Variants in SLC10A7 observed in about 807,000 individuals in gnomAD.
SLC10A7 encodes solute carrier family 10 member 7.
SLC10A7 carries 29 observed loss-of-function variants against 43.2 expected under a neutral mutation model. The ratio of observed to expected loss-of-function variants is 0.67; its 90% CI spans 0.50 to 0.92. SLC10A7 has a LOEUF of 0.92. Ranked by LOEUF, SLC10A7 falls within the 40% of genes least tolerant of loss-of-function variation. The probability of loss-of-function intolerance (pLI) is 0.00; values close to 1 mark genes in which losing one functional copy is unlikely to be tolerated. For missense variants in SLC10A7, 295 were observed against 403.2 expected (o/e 0.73, Z 2.30); for synonymous variants, 152 against 144.8 (o/e 1.05, Z -0.35).
At chr4:146,472,600 T>C (rs1428178444) in intron 4 of SLC10A7, among the ~76,000 whole-genome samples, 1 of 152,106 alleles carries the variant, frequency 6.6e-6, no homozygotes, top group Non-Finnish European at 1.5e-5. Context: ...TGTGTTCCCA[T>C]AGGCCCTTAG....
chr4:146,432,430 AACT>A (rs1275257839), intron 5 of SLC10A7, among the ~76,000 whole-genome samples: 2 of 152,226 alleles, frequency 1.3e-5, no homozygotes, highest in African/African-American at 4.8e-5. Context: ...AAAAGAAATT[AACT>A]ACTGATATAT....
chr4:146,444,497 AACTCATAAAT>A (rs1407260083), intron 4 of SLC10A7, among the ~76,000 whole-genome samples: 1 of 152,144 alleles, frequency 6.6e-6, no homozygotes, highest in African/African-American at 2.4e-5. Flanking sequence ...ACTCATAAAC[AACTCATAAAT>A]ACTCATAAAT....
At chr4:146,272,281 C>T (rs1472046248) in intron 10 of SLC10A7, among the ~76,000 whole-genome samples, 1 of 152,284 alleles carries the variant, frequency 6.6e-6, no homozygotes, top group African/African-American at 2.4e-5. Flanking sequence ...AGCTTCGGTA[C>T]AGATGACATT....
intron 5 of SLC10A7, among the ~76,000 whole-genome samples, chr4:146,369,366 A>G (rs551064990): frequency 6.6e-6 from 1 of 152,358 alleles, no homozygotes; most frequent in Admixed American, 6.5e-5. Context: ...GGCATTTAGT[A>G]AACACTCAGG....
chr4:146,321,503 A>G (rs1461794921), intron 6 of SLC10A7, among the ~76,000 whole-genome samples: 1 of 152,202 alleles, frequency 6.6e-6, no homozygotes, highest in African/African-American at 2.4e-5. Flanking sequence ...ACATTCTGAT[A>G]TACTTGGAGT....
intron 5 of SLC10A7, among the ~76,000 whole-genome samples, chr4:146,433,019 C>CA (rs1359012637): frequency 1.3e-5 from 2 of 148,634 alleles, no homozygotes; most frequent in East Asian, 2.0e-4. Flanking sequence ...GCGTGGGTGA[C>CA]AGAGCAAGAC....
At chr4:146,294,160 A>G (rs985379144) in intron 7 of SLC10A7, 65 bp from the exon 8 acceptor site, 10 of 1,281,788 alleles carry the variant, frequency 7.8e-6, no homozygotes, top group African/African-American at 4.4e-5. Context: ...TGGGCATCAC[A>G]AAGTGATTCT....
intron 5 of SLC10A7, among the ~76,000 whole-genome samples, chr4:146,411,883 CA>C (rs1293601550): frequency 2.0e-4 from 31 of 152,206 alleles, no homozygotes; most frequent in African/African-American, 7.5e-4. Flanking sequence ...TTGTCAAGTG[CA>C]GATGAAAGGA....
chr4:146,412,029 T>C (rs1728230607), intron 5 of SLC10A7, among the ~76,000 whole-genome samples: 1 of 152,204 alleles, frequency 6.6e-6, no homozygotes, highest in African/African-American at 2.4e-5. Context: ...AGTGGCATTT[T>C]CACTTCGAAT....
At chr4:146,395,061 A>G (rs1406886037) in intron 5 of SLC10A7, among the ~76,000 whole-genome samples, 1 of 152,000 alleles carries the variant, frequency 6.6e-6, no homozygotes, top group Non-Finnish European at 1.5e-5. Context: ...CTGCTATTAC[A>G]TGCTTCTCTA....
At chr4:146,286,620 G>C (rs556910926) in intron 9 of SLC10A7, among the ~76,000 whole-genome samples, 126 of 149,474 alleles carry the variant, frequency 8.4e-4, no homozygotes, top group African/African-American at 3.1e-3. Context: ...GGAGTGGTGA[G>C]AAGGACCGTG....
chr4:146,398,217 G>A (rs1044066091), intron 5 of SLC10A7, among the ~76,000 whole-genome samples: 2 of 152,116 alleles, frequency 1.3e-5, no homozygotes, highest in Admixed American at 6.6e-5. Context: ...CCTACAATTT[G>A]ACATTTATTT....
At chr4:146,284,614 G>A (rs1015044573) in intron 9 of SLC10A7, among the ~76,000 whole-genome samples, 2 of 152,278 alleles carry the variant, frequency 1.3e-5, no homozygotes, top group South Asian at 2.1e-4. Flanking sequence ...CTTTCAAACT[G>A]AATTTTTGGT....
rs570458840 is a variant in SLC10A7 at position 146,262,690 on chromosome 4, G to A, written c.848-3853C>T. 5.9e-5 allele frequency among the ~76,000 whole-genome samples: 9 copies of A among 152,272 alleles called. No homozygotes were observed. The East Asian group carries it at 1.7e-3, about 29-fold the overall frequency. ...GGGAAGCGTGATTTGACCTAACCCT[G>A]CATTTCCATAACTTACTGGGCACAT... is the stretch of plus-strand genomic sequence containing the variant. On this transcript the variant is annotated intron_variant, in intron 10 of 11. Coordinates refer to ENST00000335472, the MANE Select transcript of SLC10A7 (RefSeq NM_001029998.6).
At chr4:146,287,815 T>A (rs1730133833) in intron 9 of SLC10A7, among the ~76,000 whole-genome samples, 1 of 152,196 alleles carries the variant, frequency 6.6e-6, no homozygotes, top group Non-Finnish European at 1.5e-5. Flanking sequence ...TTTATGCATT[T>A]GGTTTTCTTC....
chr4:146,453,913 G>C (rs1390663655), intron 4 of SLC10A7, among the ~76,000 whole-genome samples: 1 of 151,910 alleles, frequency 6.6e-6, no homozygotes, highest in Non-Finnish European at 1.5e-5. Flanking sequence ...GAGAGGAAGG[G>C]CAAAATCAAT....
At chr4:146,517,178 A>C in intron 1 of SLC10A7, 58 bp from the exon 2 acceptor site, 4 of 1,400,704 alleles carry the variant, frequency 2.9e-6, no homozygotes, top group Non-Finnish European at 4.0e-6. Flanking sequence ...AACTTGGCAC[A>C]AAAGAAGAAT....
intron 5 of SLC10A7, among the ~76,000 whole-genome samples, chr4:146,331,311 C>G (rs1024634268): frequency 6.6e-6 from 1 of 152,172 alleles, no homozygotes; most frequent in Non-Finnish European, 1.5e-5. Flanking sequence ...CCAAGGTTTA[C>G]TTAACCACCT....
intron 10 of SLC10A7, among the ~76,000 whole-genome samples, chr4:146,279,971 G>A (rs955723574): frequency 6.6e-6 from 1 of 152,106 alleles, no homozygotes; most frequent in Non-Finnish European, 1.5e-5. Context: ...TAGGGCAAAA[G>A]CAAGAACAAT....
Sources: allele counts gnomAD v4.1 joint callset (sites outside exome capture counted in the v4.1 genomes callset), GRCh38; gene constraint gnomAD v4.1.1; transcripts MANE v1.5; gene names NCBI Gene and HGNC (gene_info 2026-07-23, HGNC 2026-07-21).